GAP43: variants seen among roughly 807,000 people sequenced by gnomAD.
GAP43 encodes the protein growth associated protein 43.
In GAP43, 6 loss-of-function variants were observed where a neutral mutation model predicts 18.6. The ratio of observed to expected loss-of-function variants is 0.32; its 90% CI spans 0.18 to 0.64. The LOEUF (loss-of-function observed/expected upper bound fraction) is 0.64. Ranked by LOEUF, GAP43 falls within the 30% of genes least tolerant of loss-of-function variation. The probability of loss-of-function intolerance (pLI) is 0.78; values close to 1 mark genes in which losing one functional copy is unlikely to be tolerated. For synonymous variants in GAP43, 115 were observed against 111.4 expected (o/e 1.03, Z -0.20); for missense variants, 292 against 295.5 (o/e 0.99, Z 0.09).
At chr3:115,704,896 GTTAC>G (rs1001711648) in intron 2 of GAP43, among the ~76,000 whole-genome samples, 7 of 152,116 alleles carry the variant, frequency 4.6e-5, no homozygotes, top group African/African-American at 1.7e-4. Flanking sequence ...TTCAGCTTCT[GTTAC>G]TTTGTAATTT....
At position 115,699,956 on chromosome 3, in the gene GAP43, G is replaced by A. The variant is rs536188159; in HGVS notation, c.629-20838G>A. ...TGCTCAGGGGAATTACATGCCTGTAGTATTACTAGACAGGAAACTATGCAG... is the reference window on the plus strand; with the variant it reads ...TGCTCAGGGGAATTACATGCCTGTAATATTACTAGACAGGAAACTATGCAG... On this transcript the variant is annotated intron_variant, in intron 2 of 2. Coordinates refer to ENST00000305124, the MANE Select transcript of GAP43 (RefSeq NM_002045.4). Among the ~76,000 whole-genome samples, 49 of 152,172 alleles carry A rather than the reference G, an allele frequency of 3.2e-4. No individual in the cohort carries two copies. The South Asian group carries it at 0.01, about 32-fold the overall frequency.
At chr3:115,647,919 C>G (rs1275450846) in intron 1 of GAP43, among the ~76,000 whole-genome samples, 1 of 151,774 alleles carries the variant, frequency 6.6e-6, no homozygotes, top group Non-Finnish European at 1.5e-5. Context: ...GTTTGAAACA[C>G]GTATATAGAA....
At chr3:115,712,649 A>C (rs902055441) in intron 2 of GAP43, among the ~76,000 whole-genome samples, 1 of 152,164 alleles carries the variant, frequency 6.6e-6, no homozygotes, top group Non-Finnish European at 1.5e-5. Flanking sequence ...ATTATTATTC[A>C]TATTATGTGT....
chr3:115,659,523 T>C (rs568667326), intron 1 of GAP43, among the ~76,000 whole-genome samples: 288 of 152,244 alleles, frequency 1.9e-3, no homozygotes, highest in Non-Finnish European at 3.7e-3. Context: ...ATAATGTGAA[T>C]GAACATTAAA....
At chr3:115,684,187 C>G (rs1453355177) in intron 2 of GAP43, among the ~76,000 whole-genome samples, 1 of 152,080 alleles carries the variant, frequency 6.6e-6, no homozygotes, top group Non-Finnish European at 1.5e-5. Context: ...GGCACATATA[C>G]AGTGAAATAA....
At chr3:115,655,854 A>G (rs1024148623) in intron 1 of GAP43, among the ~76,000 whole-genome samples, 1 of 152,216 alleles carries the variant, frequency 6.6e-6, no homozygotes. Flanking sequence ...ACCCAGGAGG[A>G]TCAAAGCATG....
intron 1 of GAP43, among the ~76,000 whole-genome samples, chr3:115,624,774 A>T (rs542136392): frequency 1.3e-5 from 2 of 152,058 alleles, no homozygotes; most frequent in Non-Finnish European, 2.9e-5. Context: ...CGACCATGCC[A>T]TGGCAGTCTC....
intron 2 of GAP43, among the ~76,000 whole-genome samples, chr3:115,680,387 T>A (rs1055501836): frequency 3.9e-5 from 6 of 151,990 alleles, no homozygotes; most frequent in Admixed American, 1.3e-4. Context: ...GCCCGGGAGG[T>A]CAAGGCTGCA....
chr3:115,662,984 A>G (rs1407523314), intron 1 of GAP43, among the ~76,000 whole-genome samples: 1 of 152,208 alleles, frequency 6.6e-6, no homozygotes, highest in East Asian at 1.9e-4. Flanking sequence ...TTTCCAAACT[A>G]AATAAAAGGG....
At chr3:115,648,670 G>T (rs1708488435) in intron 1 of GAP43, among the ~76,000 whole-genome samples, 1 of 152,120 alleles carries the variant, frequency 6.6e-6, no homozygotes, top group African/African-American at 2.4e-5. Flanking sequence ...CTCAAAGGCT[G>T]ATTGAGAGCT....
intron 2 of GAP43, among the ~76,000 whole-genome samples, chr3:115,695,294 T>C (rs1258739301): frequency 6.6e-6 from 1 of 152,208 alleles, no homozygotes; most frequent in Non-Finnish European, 1.5e-5. Context: ...TGCAAGTCTG[T>C]CATCAAGCAC....
At chr3:115,678,835 A>G (rs1422313836) in intron 2 of GAP43, among the ~76,000 whole-genome samples, 1 of 151,368 alleles carries the variant, frequency 6.6e-6, no homozygotes, top group Non-Finnish European at 1.5e-5. Context: ...TTGGGTAGGT[A>G]CTGTCCTCTT....
intron 1 of GAP43, among the ~76,000 whole-genome samples, chr3:115,654,663 G>C (rs554926613): frequency 6.6e-6 from 1 of 152,116 alleles, no homozygotes; most frequent in East Asian, 1.9e-4. Flanking sequence ...AATTGCTTGA[G>C]AAAGAAACAC....
intron 1 of GAP43, among the ~76,000 whole-genome samples, chr3:115,643,727 C>T (rs944367974): frequency 2.6e-5 from 4 of 151,892 alleles, no homozygotes; most frequent in Non-Finnish European, 4.4e-5. Flanking sequence ...CCCTTTTGTT[C>T]TCTTTCATTT....
chr3:115,710,158 A>T (rs1709415617), intron 2 of GAP43, among the ~76,000 whole-genome samples: 1 of 152,158 alleles, frequency 6.6e-6, no homozygotes, highest in Admixed American at 6.5e-5. Flanking sequence ...CAAGCAGTGT[A>T]GATAACTTAT....
At chr3:115,684,761 T>G (rs1266206331) in intron 2 of GAP43, among the ~76,000 whole-genome samples, 1 of 152,128 alleles carries the variant, frequency 6.6e-6, no homozygotes, top group Non-Finnish European at 1.5e-5. Context: ...ACGATGAAAT[T>G]TATAGTGCCT....
At chr3:115,690,292 A>G (rs556721963) in intron 2 of GAP43, among the ~76,000 whole-genome samples, 53 of 151,434 alleles carry the variant, frequency 3.5e-4, no homozygotes, top group African/African-American at 9.7e-4. Context: ...TGCCTCAACA[A>G]ACCAAGAGAC....
chr3:115,688,049 C>T (rs925113173), intron 2 of GAP43, among the ~76,000 whole-genome samples: 1 of 152,066 alleles, frequency 6.6e-6, no homozygotes, highest in Non-Finnish European at 1.5e-5. Context: ...TGGAGTCTCA[C>T]TCTATCACCC....
At chr3:115,636,796 C>T (rs1708335688) in intron 1 of GAP43, among the ~76,000 whole-genome samples, 1 of 152,026 alleles carries the variant, frequency 6.6e-6, no homozygotes, top group Non-Finnish European at 1.5e-5. Context: ...GTGGCTCTGG[C>T]ATTGACTAGG....
Sources: allele counts gnomAD v4.1 joint callset (sites outside exome capture counted in the v4.1 genomes callset), GRCh38; gene constraint gnomAD v4.1.1; transcripts MANE v1.5; gene names NCBI Gene and HGNC (gene_info 2026-07-23, HGNC 2026-07-21).